GATAD2A: variants seen among roughly 807,000 people sequenced by gnomAD.
The protein encoded by GATAD2A is transcriptional repressor p66-alpha.
GATAD2A carries 12 observed loss-of-function variants against 68.5 expected under a neutral mutation model. The observed-to-expected ratio is 0.18, with a 90% CI of 0.11 to 0.28. The LOEUF is 0.28. Ranked by LOEUF, GATAD2A falls within the 10% of genes least tolerant of loss-of-function variation. GATAD2A has a pLI of 1.00. For synonymous variants in GATAD2A, 410 were observed against 375.3 expected (o/e 1.09, Z -1.07); for missense variants, 755 against 868.5 (o/e 0.87, Z 1.64).
At chr19:19,445,740 C>CA (rs2055632805) in intron 1 of GATAD2A, among the ~76,000 whole-genome samples, 1 of 152,144 alleles carries the variant, frequency 6.6e-6, no homozygotes, top group African/African-American at 2.4e-5. Context: ...CACATTGTGT[C>CA]AGAGTTTCAT....
intron 1 of GATAD2A, among the ~76,000 whole-genome samples, chr19:19,406,800 T>C (rs536142438): frequency 6.6e-6 from 1 of 152,326 alleles, no homozygotes; most frequent in East Asian, 1.9e-4. Context: ...GCTGAGAGCC[T>C]GACGGACACT....
At chr19:19,388,096 G>T (rs2048581224) in intron 1 of GATAD2A, among the ~76,000 whole-genome samples, 1 of 146,408 alleles carries the variant, frequency 6.8e-6, no homozygotes, top group Non-Finnish European at 1.5e-5. Context: ...CGCTCTTGTT[G>T]CCTAGGCTGG....
intron 1 of GATAD2A, among the ~76,000 whole-genome samples, chr19:19,431,024 C>G (rs1251006082): frequency 7.9e-6 from 1 of 126,306 alleles, no homozygotes; most frequent in Non-Finnish European, 1.6e-5. Flanking sequence ...TGTGTAGTAC[C>G]CAGGTGCAAG....
intron 1 of GATAD2A, among the ~76,000 whole-genome samples, chr19:19,398,831 C>A (rs192865957): frequency 6.6e-6 from 1 of 151,838 alleles, no homozygotes; most frequent in Non-Finnish European, 1.5e-5. Flanking sequence ...GAGGCCAAGG[C>A]GGGTGGATAA....
chr19:19,401,308 G>A (rs2049724711), upstream of GATAD2A, among the ~76,000 whole-genome samples: 1 of 149,224 alleles, frequency 6.7e-6, no homozygotes, highest in Non-Finnish European at 1.5e-5. Context: ...CCGCCTCCCG[G>A]GTTCACGCCA....
At chr19:19,414,453 T>G (rs907543579) in intron 1 of GATAD2A, among the ~76,000 whole-genome samples, 5 of 152,064 alleles carry the variant, frequency 3.3e-5, no homozygotes, top group Non-Finnish European at 7.4e-5. Flanking sequence ...CTTTGTGGCT[T>G]GGTGAATTTT....
intron 1 of GATAD2A, among the ~76,000 whole-genome samples, chr19:19,421,936 C>T (rs549545232): frequency 6.6e-6 from 1 of 152,162 alleles, no homozygotes; most frequent in East Asian, 1.9e-4. Context: ...GTTCTCCTGC[C>T]CCAGCCTCCC....
intron 2 of GATAD2A, among the ~76,000 whole-genome samples, chr19:19,491,411 C>T (rs1046701853): frequency 1.3e-5 from 2 of 152,106 alleles, no homozygotes; most frequent in African/African-American, 4.8e-5. Context: ...CTCCCCAGAC[C>T]GTGGCAAATT....
At chr19:19,440,349 C>A (rs762153121) in intron 1 of GATAD2A, 1 of 193,582 alleles carries the variant, frequency 5.2e-6, no homozygotes, top group South Asian at 9.3e-5. Context: ...CAGCTCATTG[C>A]AATCTCCGCC....
At chr19:19,413,659 G>T (rs1284336853) in intron 1 of GATAD2A, among the ~76,000 whole-genome samples, 1 of 152,088 alleles carries the variant, frequency 6.6e-6, no homozygotes, top group Non-Finnish European at 1.5e-5. Flanking sequence ...TCGGCTCACT[G>T]CTTGAACCTC....
chr19:19,451,583 A>G (rs1010239945), intron 1 of GATAD2A, among the ~76,000 whole-genome samples: 2 of 152,246 alleles, frequency 1.3e-5, no homozygotes, highest in Admixed American at 1.3e-4. Context: ...CTGTGGCTCT[A>G]TCCAGCTAGG....
chr19:19,493,605 G>A (rs1432154262), intron 4 of GATAD2A, among the ~76,000 whole-genome samples: 2 of 152,172 alleles, frequency 1.3e-5, no homozygotes, highest in Non-Finnish European at 2.9e-5. Context: ...GACCTTCCAA[G>A]TACTTTAGTC....
intron 1 of GATAD2A, among the ~76,000 whole-genome samples, chr19:19,425,475 G>GT (rs977639548): frequency 1.3e-5 from 2 of 152,210 alleles, no homozygotes; most frequent in African/African-American, 4.8e-5. Context: ...GGTGAATGAG[G>GT]TGGGAGCACC....
chr19:19,390,084 A>G (rs1599956175), intron 1 of GATAD2A, among the ~76,000 whole-genome samples: 1 of 152,298 alleles, frequency 6.6e-6, no homozygotes, highest in Middle Eastern at 3.4e-3. Flanking sequence ...AATAAAACCT[A>G]TAGGACCAGC....
At chr19:19,463,097 G>A (rs113567081) in intron 1 of GATAD2A, among the ~76,000 whole-genome samples, 14 of 152,276 alleles carry the variant, frequency 9.2e-5, no homozygotes, top group African/African-American at 3.4e-4. Flanking sequence ...GTAGAGTGGG[G>A]CCCTTACTTG....
intron 1 of GATAD2A, among the ~76,000 whole-genome samples, chr19:19,430,976 G>GGGGGT (rs140794575): frequency 1.8e-4 from 25 of 136,778 alleles, no homozygotes; most frequent in Non-Finnish European, 3.1e-4. Context: ...GTATGGTAGG[G>GGGGGT]GTGTGTGTGT....
chr19:19,467,908 C>T (rs528464231), intron 2 of GATAD2A, among the ~76,000 whole-genome samples: 21 of 152,304 alleles, frequency 1.4e-4, no homozygotes, highest in Admixed American at 5.2e-4. Flanking sequence ...TCTTTTACTC[C>T]GCTCCCTGTC....
chr19:19,436,527 C>T (rs1199746206), intron 1 of GATAD2A, among the ~76,000 whole-genome samples: 1 of 152,254 alleles, frequency 6.6e-6, no homozygotes, highest in Non-Finnish European at 1.5e-5. Flanking sequence ...GTGGCCTTTG[C>T]CCTCTGGCCA....
chr19:19,452,264 T>C (rs752216070), intron 1 of GATAD2A, among the ~76,000 whole-genome samples: 1 of 152,140 alleles, frequency 6.6e-6, no homozygotes, highest in Non-Finnish European at 1.5e-5. Flanking sequence ...CCAGTCTTCT[T>C]GTTGCCCTTG....
Sources: allele counts gnomAD v4.1 joint callset (sites outside exome capture counted in the v4.1 genomes callset), GRCh38; gene constraint gnomAD v4.1.1; transcripts MANE v1.5; gene names NCBI Gene and HGNC (gene_info 2026-07-23, HGNC 2026-07-21).